RBFOX1: variants seen among roughly 807,000 people sequenced by gnomAD.
The protein encoded by RBFOX1 is RNA binding fox-1 homolog 1.
A neutral mutation model predicts 57.7 loss-of-function variants in RBFOX1; 8 were observed. The ratio of observed to expected loss-of-function variants is 0.14; its 90% CI spans 0.08 to 0.25. The LOEUF (loss-of-function observed/expected upper bound fraction) is 0.25, where lower values mean the gene tolerates loss of function less well. Among genes scored for constraint, RBFOX1 ranks in the 10% least tolerant of loss-of-function variants. The probability of loss-of-function intolerance (pLI) is 1.00; values close to 1 mark genes in which losing one functional copy is unlikely to be tolerated. For synonymous variants in RBFOX1, 326 were observed against 222.4 expected, an observed-to-expected ratio of 1.47 and a Z score of -4.15; for missense variants, 611 against 548.5, an observed-to-expected ratio of 1.11 and a Z score of -1.14.
At chr16:6,443,836 A>G (rs765419902) in intron 2 of RBFOX1, among the ~76,000 whole-genome samples, 34 of 151,930 alleles carry the variant, frequency 2.2e-4, no homozygotes, top group Non-Finnish European at 2.8e-4. Context: ...CTATCCATTC[A>G]TCCATGCACC....
In RBFOX1 at chr16:6,977,981, T is replaced by C. The variant is rs1238221649; in HGVS notation, c.-15-74076T>C. 4.0e-5 allele frequency among the ~76,000 whole-genome samples: 6 copies of C among 149,062 alleles called. No individual in the cohort carries two copies. The East Asian group carries it at 1.2e-3, about 29-fold the overall frequency. On this transcript the variant is annotated intron_variant, in intron 3 of 15. Coordinates refer to ENST00000550418, the MANE Select transcript of RBFOX1 (RefSeq NM_018723.4). Reference sequence around the variant, plus strand: ...AACCTCCTTTCCCAATGTGGCTGAATGTGTCTTTGCAAGACACTCAGCATT... The same window carrying C: ...AACCTCCTTTCCCAATGTGGCTGAACGTGTCTTTGCAAGACACTCAGCATT...
At chr16:7,289,970 T>C (rs778933368) in intron 4 of RBFOX1, among the ~76,000 whole-genome samples, 8 of 152,204 alleles carry the variant, frequency 5.3e-5, no homozygotes, top group Non-Finnish European at 8.8e-5. Context: ...GGATAAACTC[T>C]GTGGCCCCAG....
At chr16:6,218,262 G>A (rs918844943) in intron 1 of RBFOX1, among the ~76,000 whole-genome samples, 3 of 150,208 alleles carry the variant, frequency 2.0e-5, no homozygotes, top group Non-Finnish European at 4.4e-5. Flanking sequence ...ACTATAAACA[G>A]GACTAGTGAA....
chr16:7,619,586 A>G (rs951492278), intron 10 of RBFOX1, among the ~76,000 whole-genome samples: 2 of 152,188 alleles, frequency 1.3e-5, no homozygotes, highest in Non-Finnish European at 2.9e-5. Context: ...TAGTTCTGTA[A>G]TAGTACTTGA....
At chr16:6,611,808 C>T (rs2098060083) in intron 2 of RBFOX1, among the ~76,000 whole-genome samples, 1 of 152,112 alleles carries the variant, frequency 6.6e-6, no homozygotes, top group South Asian at 2.1e-4. Flanking sequence ...CACCCTGAGT[C>T]CTCCCTCAGG....
At chr16:6,912,797 T>C (rs1290371475) in intron 3 of RBFOX1, among the ~76,000 whole-genome samples, 2 of 152,058 alleles carry the variant, frequency 1.3e-5, no homozygotes, top group Admixed American at 6.6e-5. Flanking sequence ...AATTTTTTTT[T>C]TTAAGACAGA....
intron 1 of RBFOX1, among the ~76,000 whole-genome samples, chr16:5,303,047 T>C (rs372668539): frequency 1.6e-4 from 25 of 152,358 alleles, no homozygotes; most frequent in African/African-American, 6.0e-4. Context: ...TAATACTTTT[T>C]TCCTAGTATT....
At chr16:6,190,558 G>A (rs538317491) in intron 1 of RBFOX1, among the ~76,000 whole-genome samples, 5 of 152,106 alleles carry the variant, frequency 3.3e-5, no homozygotes, top group Non-Finnish European at 5.9e-5. Context: ...GAGAAAAATC[G>A]ACTTAAATCT....
chr16:5,744,221 C>A (rs114061208), intron 3 of RBFOX1, among the ~76,000 whole-genome samples: 446 of 152,250 alleles, frequency 2.9e-3, no homozygotes, highest in African/African-American at 9.1e-3. Context: ...CTCCTGAAAC[C>A]CCTACTCAAA....
chr16:6,375,867 T>A (rs2091109087), intron 2 of RBFOX1, among the ~76,000 whole-genome samples: 2 of 152,102 alleles, frequency 1.3e-5, no homozygotes, highest in South Asian at 4.1e-4. Context: ...CACACTCCCT[T>A]CTTGGCCAGG....
At chr16:5,651,837 A>C (rs2049250520) in intron 3 of RBFOX1, among the ~76,000 whole-genome samples, 1 of 152,224 alleles carries the variant, frequency 6.6e-6, no homozygotes, top group Non-Finnish European at 1.5e-5. Context: ...TAAACTAATA[A>C]TAATAATGCT....
At chr16:6,689,014 C>T (rs532470995) in intron 3 of RBFOX1, among the ~76,000 whole-genome samples, 6 of 152,304 alleles carry the variant, frequency 3.9e-5, no homozygotes, top group Non-Finnish European at 7.3e-5. Context: ...ATATGTGCTG[C>T]ATTTTCTTTA....
At chr16:6,888,955 G>C (rs915081397) in intron 3 of RBFOX1, among the ~76,000 whole-genome samples, 1 of 152,134 alleles carries the variant, frequency 6.6e-6, no homozygotes, top group South Asian at 2.1e-4. Context: ...ACTTACTGTA[G>C]GTATGGGCAG....
At chr16:6,942,129 C>A (rs867226254) in intron 3 of RBFOX1, among the ~76,000 whole-genome samples, 7 of 152,266 alleles carry the variant, frequency 4.6e-5, no homozygotes, top group Middle Eastern at 3.4e-3. Flanking sequence ...ATCCCAGCTA[C>A]TTGGGAGGCT....
intron 2 of RBFOX1, among the ~76,000 whole-genome samples, chr16:6,422,078 G>A (rs1428494084): frequency 2.0e-5 from 3 of 151,672 alleles, no homozygotes; most frequent in Non-Finnish European, 4.4e-5. Context: ...GTACCACCAC[G>A]CCTGGCTAAT....
chr16:6,610,254 C>T (rs904100996), intron 2 of RBFOX1, among the ~76,000 whole-genome samples: 1 of 152,020 alleles, frequency 6.6e-6, no homozygotes, highest in African/African-American at 2.4e-5. Flanking sequence ...GTTGTAAAAA[C>T]AATAATAAAG....
rs61104403 is a variant in RBFOX1 at position 7,106,984 on chromosome 16, AACACAC to A, written c.27+54905_27+54910del. Among the ~76,000 whole-genome samples the A allele has an allele frequency of 7.9e-4, 118 of 148,632 alleles. 1 individual carries two copies. Among genetic ancestry groups the A allele is most frequent in the African/African-American group, 2.9e-3 (117 of 40,294 alleles). ...ATTCCCATGTAAGCCACACAGTTAAAACACACACACACACACACACACACTAAATGA... is the reference window on the plus strand; with the variant it reads ...ATTCCCATGTAAGCCACACAGTTAAAACACACACACACACACACTAAATGA... On this transcript the variant is annotated intron_variant, in intron 4 of 15. Transcript: ENST00000550418.
At chr16:6,731,307 C>T (rs1603469946) in intron 3 of RBFOX1, among the ~76,000 whole-genome samples, 1 of 152,094 alleles carries the variant, frequency 6.6e-6, no homozygotes. Context: ...AAAATATTGC[C>T]AGAAGCACAG....
At chr16:6,650,965 T>A (rs2098586951) in intron 2 of RBFOX1, among the ~76,000 whole-genome samples, 1 of 152,202 alleles carries the variant, frequency 6.6e-6, no homozygotes, top group Admixed American at 6.5e-5. Context: ...TGCAATGGCA[T>A]GATCCCGGCT....
Sources: gnomAD v4.1 joint callset for allele counts (sites outside exome capture counted in the v4.1 genomes callset) on GRCh38, gnomAD v4.1.1 for gene constraint, MANE v1.5 for transcripts, NCBI Gene and HGNC (gene_info 2026-07-23, HGNC 2026-07-21) for gene names.